The following CTNNA3 variants were observed in gnomAD, a reference collection of about 807,000 sequenced individuals.
CTNNA3 encodes the protein catenin alpha-3.
A neutral mutation model predicts 95.7 loss-of-function variants in CTNNA3; 76 were observed. The ratio of observed to expected loss-of-function variants is 0.79; its 90% CI spans 0.66 to 0.96. CTNNA3 has a LOEUF of 0.96. Ranked by LOEUF, CTNNA3 falls within the 40% of genes least tolerant of loss-of-function variation. CTNNA3 has a pLI of 0.00. For synonymous variants in CTNNA3, 431 were observed against 374.4 expected (o/e 1.15, Z -1.74); for missense variants, 1,191 against 1,089.8 (o/e 1.09, Z -1.31).
chr10:67,667,461 T>A (rs1840351430), intron 1 of CTNNA3, among the ~76,000 whole-genome samples: 1 of 152,158 alleles, frequency 6.6e-6, no homozygotes, highest in Non-Finnish European at 1.5e-5. Context: ...ATGGCAAAAG[T>A]GAAAAAGCAA....
At chr10:67,576,181 G>T (rs1032643081) in intron 3 of CTNNA3, among the ~76,000 whole-genome samples, 6 of 152,088 alleles carry the variant, frequency 3.9e-5, no homozygotes, top group Non-Finnish European at 7.4e-5. Flanking sequence ...TAGCAGGCTG[G>T]GCTTAGTTAT....
chr10:67,377,553 G>C (rs763388179), intron 5 of CTNNA3, among the ~76,000 whole-genome samples: 76 of 152,128 alleles, frequency 5.0e-4, no homozygotes, highest in Non-Finnish European at 1.1e-3. Flanking sequence ...GGGATAAATT[G>C]TTTTAAATTT....
At chr10:67,648,469 G>A (rs1839784974) in intron 1 of CTNNA3, among the ~76,000 whole-genome samples, 1 of 152,100 alleles carries the variant, frequency 6.6e-6, no homozygotes, top group African/African-American at 2.4e-5. Context: ...TAACCCAAAT[G>A]GCCTGCCCAG....
chr10:66,062,704 A>T (rs2080227562), intron 15 of CTNNA3, among the ~76,000 whole-genome samples: 1 of 152,146 alleles, frequency 6.6e-6, no homozygotes, highest in Non-Finnish European at 1.5e-5. Flanking sequence ...CAGAGTCTAA[A>T]ATTCAATTTT....
intron 17 of CTNNA3, among the ~76,000 whole-genome samples, chr10:65,927,945 T>G (rs1246499868): frequency 1.3e-5 from 2 of 152,180 alleles, no homozygotes; most frequent in South Asian, 2.1e-4. Context: ...TTCTGCATCC[T>G]CAGTCACACT....
rs71474007 is a variant in CTNNA3, at chr10:66,024,085, A to ATTT, written c.2160-35291_2160-35289dup. 1.7e-3 allele frequency among the ~76,000 whole-genome samples: 146 copies of ATTT among 87,728 alleles called. 23 individuals carry two copies. The highest frequency in any genetic ancestry group is 5.5e-3 in the South Asian group (11 of 1,992). 57.6% of individuals were successfully genotyped at this position (87,728 alleles called of 152,430 possible). A position where few individuals can be genotyped will look rare whatever the true frequency, so the allele number is the denominator to read the frequency against. ...TATCACAGAAACTTATACCATACAC[A>ATTT]TTTTTTTTTTTTTTTTTTTTTTGAG... On this transcript the variant is annotated intron_variant, in intron 15 of 17. Transcript: ENST00000433211.
At chr10:66,209,298 C>G (rs950472481) in intron 13 of CTNNA3, among the ~76,000 whole-genome samples, 3 of 152,080 alleles carry the variant, frequency 2.0e-5, no homozygotes, top group Admixed American at 1.3e-4. Context: ...TCTCTTGAAG[C>G]TTACACTCTA....
At chr10:66,686,140 C>A (rs541245936) in intron 9 of CTNNA3, among the ~76,000 whole-genome samples, 1 of 152,178 alleles carries the variant, frequency 6.6e-6, no homozygotes, top group South Asian at 2.1e-4. Context: ...GCGGATCCTG[C>A]TCCAGGGACT....
intron 17 of CTNNA3, 134 bp downstream of exon 17, chr10:65,966,478 C>G: frequency 1.6e-6 from 1 of 640,782 alleles, no homozygotes; most frequent in Non-Finnish European, 2.4e-6. Context: ...AATACATGTA[C>G]TTTTAATAAA....
intron 12 of CTNNA3, among the ~76,000 whole-genome samples, chr10:66,336,047 C>T (rs755704523): frequency 2.0e-5 from 3 of 152,126 alleles, no homozygotes; most frequent in Non-Finnish European, 4.4e-5. Flanking sequence ...GGGATATAAT[C>T]TCCTGGTGTG....
At chr10:65,988,301 TTA>T (rs1402178525) in intron 16 of CTNNA3, among the ~76,000 whole-genome samples, 8 of 152,140 alleles carry the variant, frequency 5.3e-5, no homozygotes, top group African/African-American at 9.6e-5. Context: ...AAGGCAATTA[TTA>T]TATGTCAATT....
At chr10:66,365,159 G>A (rs548085379) in intron 12 of CTNNA3, among the ~76,000 whole-genome samples, 1 of 152,148 alleles carries the variant, frequency 6.6e-6, no homozygotes, top group Non-Finnish European at 1.5e-5. Context: ...TGATAGATTG[G>A]ATTAAGAAAA....
chr10:66,458,279 C>G lies in CTNNA3; in HGVS notation c.1531+62338G>C, dbSNP rs2093507745. Among the ~76,000 whole-genome samples the G allele has an allele frequency of 2.0e-5, 3 of 152,074 alleles. No homozygotes were observed. The South Asian group carries it at 6.2e-4, about 31-fold the overall frequency. ...TCATATCATGGCATACTACTCAGCTCTAAAAAGGAAAGAATTATTGATATA... is the reference window on the plus strand; with the variant it reads ...TCATATCATGGCATACTACTCAGCTGTAAAAAGGAAAGAATTATTGATATA... On this transcript the variant is annotated intron_variant, in intron 11 of 17. Transcript: ENST00000433211.
chr10:66,628,173 A>G (rs1316103603), intron 9 of CTNNA3, among the ~76,000 whole-genome samples: 8 of 152,198 alleles, frequency 5.3e-5, no homozygotes, highest in Non-Finnish European at 1.2e-4. Flanking sequence ...ATGTAAATAA[A>G]TAAAAATAAT....
At chr10:66,014,107 A>T (rs1315361823) in intron 15 of CTNNA3, among the ~76,000 whole-genome samples, 4 of 149,176 alleles carry the variant, frequency 2.7e-5, no homozygotes, top group Admixed American at 6.7e-5. Context: ...TATACGCATA[A>T]TTTTTTTTTT....
chr10:66,551,633 TTGTG>T (rs1308569468), intron 10 of CTNNA3, among the ~76,000 whole-genome samples: 1 of 152,132 alleles, frequency 6.6e-6, no homozygotes, highest in Non-Finnish European at 1.5e-5. Flanking sequence ...GAATTACGTC[TTGTG>T]TGTGTTTGAT....
At chr10:66,968,815 A>C (rs1436076093) in intron 7 of CTNNA3, among the ~76,000 whole-genome samples, 1 of 152,022 alleles carries the variant, frequency 6.6e-6, no homozygotes, top group African/African-American at 2.4e-5. Flanking sequence ...TCAGGAGTTT[A>C]AGACGAGCCT....
intron 5 of CTNNA3, among the ~76,000 whole-genome samples, chr10:67,313,516 T>C (rs1840911537): frequency 2.0e-5 from 3 of 152,254 alleles, no homozygotes; most frequent in South Asian, 4.1e-4. Flanking sequence ...ACAAGGCATG[T>C]GAAATCACCA....
chr10:66,623,039 G>A (rs1844805771), intron 9 of CTNNA3, among the ~76,000 whole-genome samples: 1 of 152,032 alleles, frequency 6.6e-6, no homozygotes, highest in South Asian at 2.1e-4. Context: ...TTGGCTTGAA[G>A]GTCACAATGC....
Sources: allele counts gnomAD v4.1 joint callset (sites outside exome capture counted in the v4.1 genomes callset), GRCh38; gene constraint gnomAD v4.1.1; transcripts MANE v1.5; gene names NCBI Gene and HGNC (gene_info 2026-07-23, HGNC 2026-07-21).